ATG7: variants seen among roughly 807,000 people sequenced by gnomAD.
ATG7 encodes the protein autophagy related 7.
In ATG7, 70 loss-of-function variants were observed where a neutral mutation model predicts 82.4. The observed-to-expected ratio is 0.85, with a 90% CI of 0.70 to 1.04. ATG7 has a LOEUF of 1.04. Ranked by LOEUF, ATG7 falls within the 50% of genes least tolerant of loss-of-function variation. ATG7 has a pLI of 0.00. For missense variants in ATG7, 792 were observed against 864.3 expected (o/e 0.92, Z 1.05); for synonymous variants, 287 against 313.0 (o/e 0.92, Z 0.88).
intron 19 of ATG7, among the ~76,000 whole-genome samples, chr3:11,397,783 A>G (rs897392044): frequency 1.2e-4 from 17 of 144,980 alleles, no homozygotes; most frequent in Non-Finnish European, 2.3e-4. Flanking sequence ...AATCACAAGT[A>G]GAAAATTTTA....
chr3:11,424,628 T>A (rs1246012137), intron 19 of ATG7, among the ~76,000 whole-genome samples: 2 of 151,474 alleles, frequency 1.3e-5, no homozygotes, highest in African/African-American at 4.8e-5. Flanking sequence ...ATTAAATATT[T>A]AAAAATCTTA....
intron 9 of ATG7, among the ~76,000 whole-genome samples, chr3:11,322,676 A>G (rs540741218): frequency 1.3e-5 from 2 of 152,266 alleles, no homozygotes; most frequent in South Asian, 4.1e-4. Flanking sequence ...TTTGACATTT[A>G]TATTTCTCAT....
intron 20 of ATG7, among the ~76,000 whole-genome samples, chr3:11,523,502 T>C (rs570132059): frequency 6.6e-6 from 1 of 152,222 alleles, no homozygotes; most frequent in Non-Finnish European, 1.5e-5. Flanking sequence ...TGATATGCAC[T>C]GAAGTGTTTG....
At chr3:11,396,567 A>G (rs2079297446) in intron 19 of ATG7, among the ~76,000 whole-genome samples, 1 of 152,182 alleles carries the variant, frequency 6.6e-6, no homozygotes, top group Non-Finnish European at 1.5e-5. Flanking sequence ...ACTCGAAGTC[A>G]GGAGTTTGAG....
chr3:11,558,748 T>C (rs1442695936), downstream of ATG7: 2 of 1,614,140 alleles, frequency 1.2e-6, no homozygotes, highest in African/African-American at 1.3e-5. Context: ...CGGAGTTGGG[T>C]GCCGGCTCGG....
chr3:11,342,431 A>G, intron 13 of ATG7, 152 bp downstream of exon 13: 3 of 1,063,094 alleles, frequency 2.8e-6, no homozygotes, highest in Middle Eastern at 3.2e-4. Flanking sequence ...TTAAGTGTAA[A>G]AGAAATACAA....
intron 20 of ATG7, among the ~76,000 whole-genome samples, chr3:11,492,926 T>C (rs1169173414): frequency 6.6e-6 from 1 of 152,240 alleles, no homozygotes; most frequent in Non-Finnish European, 1.5e-5. Context: ...TACAATGCTC[T>C]CTTAGCTCCG....
At chr3:11,356,223 A>G (rs1271045039) in intron 14 of ATG7, among the ~76,000 whole-genome samples, 2 of 152,242 alleles carry the variant, frequency 1.3e-5, no homozygotes, top group African/African-American at 4.8e-5. Context: ...TGATAGCTGT[A>G]TGCAGTGGTT....
chr3:11,560,762 G>A (rs538027249), downstream of ATG7, among the ~76,000 whole-genome samples: 26 of 152,260 alleles, frequency 1.7e-4, no homozygotes, highest in African/African-American at 5.5e-4. Flanking sequence ...ACTTAGCAGC[G>A]GGACAGAGCT....
intron 20 of ATG7, among the ~76,000 whole-genome samples, chr3:11,431,428 AAGTGTGC>A (rs2152952484): frequency 6.6e-6 from 1 of 152,300 alleles, no homozygotes; most frequent in Admixed American, 6.5e-5. Flanking sequence ...CACCTTTTTA[AAGTGTGC>A]AGTTCAGTGG....
chr3:11,566,639 T>G, the ATG7 span, among the ~76,000 whole-genome samples: 1 of 152,176 alleles, frequency 6.6e-6, no homozygotes, highest in South Asian at 2.1e-4. Flanking sequence ...GCGGCCACTC[T>G]CTGCCTCTGT....
rs1159752411 is a variant in ATG7 at position 11,280,979 on chromosome 3, C to T, written c.-365-15C>T. 6.6e-6 allele frequency: 1 copy of T among 152,208 alleles called. No individual in the cohort carries two copies. The highest frequency in any genetic ancestry group is 1.5e-5 in the Non-Finnish European group (1 of 68,040). The allele number at this position is 152,208 out of a possible 1,614,324, so 9.4% of individuals were successfully genotyped here. A position where few individuals can be genotyped will look rare whatever the true frequency, so the allele number is the denominator to read the frequency against. On this transcript the variant is annotated splice_polypyrimidine_tract_variant and intron_variant, in intron 1 of 20. Transcript: ENST00000693202. ...AGATTATTTTACCAGTTCTTAATCC[C>T]TCTAATTATGTCAGGATCCAATTCC...
chr3:11,442,090 A>G (rs2084033052), intron 20 of ATG7, among the ~76,000 whole-genome samples: 1 of 152,234 alleles, frequency 6.6e-6, no homozygotes, highest in African/African-American at 2.4e-5. Context: ...GGTGTGGGCC[A>G]TCACACCCAG....
At chr3:11,301,475 C>CT in intron 5 of ATG7, among the ~76,000 whole-genome samples, 1 of 152,166 alleles carries the variant, frequency 6.6e-6, no homozygotes, top group African/African-American at 2.4e-5. Context: ...AAAATCAATA[C>CT]TTTTTTTCCC....
At chr3:11,448,449 T>C (rs1011270262) in intron 20 of ATG7, among the ~76,000 whole-genome samples, 3 of 152,198 alleles carry the variant, frequency 2.0e-5, no homozygotes, top group Admixed American at 1.3e-4. Context: ...ATGGCCAGGC[T>C]CAGTGACAGC....
intron 3 of ATG7, among the ~76,000 whole-genome samples, chr3:11,294,284 G>A (rs1945491006): frequency 6.6e-6 from 1 of 151,500 alleles, no homozygotes; most frequent in Non-Finnish European, 1.5e-5. Context: ...TGTTGCCCAG[G>A]CTGGAGTGCA....
At chr3:11,410,506 T>C (rs1352910902) in intron 19 of ATG7, among the ~76,000 whole-genome samples, 3 of 152,212 alleles carry the variant, frequency 2.0e-5, no homozygotes, top group African/African-American at 7.2e-5. Flanking sequence ...TCCTTCATAA[T>C]ATTGGCAGTT....
At chr3:11,498,809 G>A (rs1004716459) in intron 20 of ATG7, among the ~76,000 whole-genome samples, 1 of 152,188 alleles carries the variant, frequency 6.6e-6, no homozygotes, top group African/African-American at 2.4e-5. Context: ...TCCTAGGCTG[G>A]GCTCCAGGCC....
At chr3:11,510,337 T>G (rs2091987881) in intron 20 of ATG7, 1 of 452,310 alleles carries the variant, frequency 2.2e-6, no homozygotes, top group Non-Finnish European at 4.4e-6. Context: ...ATAATTTGTG[T>G]TATTACCTCT....
Sources: gnomAD v4.1 joint callset for allele counts (sites outside exome capture counted in the v4.1 genomes callset) on GRCh38, gnomAD v4.1.1 for gene constraint, MANE v1.5 for transcripts, NCBI Gene and HGNC (gene_info 2026-07-23, HGNC 2026-07-21) for gene names.